UBN2: variants seen among roughly 807,000 people sequenced by gnomAD.
UBN2 encodes ubinuclein 2, also known as ubinuclein-2.
UBN2 carries 35 observed loss-of-function variants against 120.2 expected under a neutral mutation model. The ratio of observed to expected loss-of-function variants is 0.29; its 90% CI spans 0.22 to 0.39. The LOEUF (loss-of-function observed/expected upper bound fraction) is 0.39. UBN2 is among the 10% of genes least tolerant of loss of function. UBN2 has a pLI of 1.00. For synonymous variants in UBN2, 661 were observed against 648.7 expected, an observed-to-expected ratio of 1.02 and a Z score of -0.29; for missense variants, 1,693 against 1,663.2, an observed-to-expected ratio of 1.02 and a Z score of -0.31.
At chr7:139,295,088 C>CTT (rs1175195798) in intron 17 of UBN2, among the ~76,000 whole-genome samples, 26 of 137,552 alleles carry the variant, frequency 1.9e-4, no homozygotes, top group Admixed American at 8.8e-4. Flanking sequence ...CTAGGCCTCA[C>CTT]TTTTTTTTTT....
intron 2 of UBN2, 36 bp downstream of exon 2, chr7:139,237,133 T>A: frequency 6.7e-7 from 1 of 1,492,268 alleles, no homozygotes; most frequent in South Asian, 1.1e-5. Context: ...GGTAATTTTA[T>A]CCTATTGACC....
chr7:139,293,252 A>G lies in UBN2; in HGVS notation c.3690A>G (p.Leu1230=). ...CACAGTCCACAGCAGGAGCATCATT[A>G]TTGGCTAATGCCTCACCTCTGACTC... is the stretch of plus-strand genomic sequence containing the variant. ...ASVQSTAGAS[L]LANASPLTLM... Residue 1230 remains leucine, a synonymous_variant, in exon 16 of 18, where the codon TTA becomes TTG. Coordinates refer to ENST00000473989, the MANE Select transcript of UBN2 (RefSeq NM_173569.4). The G allele has an allele frequency of 6.2e-7, 1 of 1,614,206 alleles. No homozygotes were observed. Among genetic ancestry groups the G allele is most frequent in the Non-Finnish European group, 8.5e-7 (1 of 1,180,022 alleles).
At chr7:139,246,823 T>A (rs891675381) in intron 2 of UBN2, among the ~76,000 whole-genome samples, 1 of 152,218 alleles carries the variant, frequency 6.6e-6, no homozygotes, top group Non-Finnish European at 1.5e-5. Flanking sequence ...TCTCATGTCT[T>A]CTGCGTCTGG....
intron 4 of UBN2, among the ~76,000 whole-genome samples, 157 bp downstream of exon 4, chr7:139,258,782 G>T (rs2130976018): frequency 6.6e-6 from 1 of 151,974 alleles, no homozygotes; most frequent in South Asian, 2.1e-4. Flanking sequence ...AAATTATGTA[G>T]ATATTGGAAA....
intron 16 of UBN2, 199 bp from the exon 17 acceptor site, chr7:139,293,690 T>C: frequency 1.5e-6 from 1 of 646,922 alleles, no homozygotes; most frequent in Non-Finnish European, 2.6e-6. Flanking sequence ...TAATGAAATT[T>C]TTAAGAGGAA....
intron 9 of UBN2, among the ~76,000 whole-genome samples, 156 bp downstream of exon 9, chr7:139,272,596 G>C (rs970222234): frequency 6.6e-6 from 1 of 151,974 alleles, no homozygotes; most frequent in African/African-American, 2.4e-5. Context: ...GTACGATTTC[G>C]GCTCAGTACA....
intron 3 of UBN2, among the ~76,000 whole-genome samples, chr7:139,254,936 C>T (rs1225247698): frequency 8.5e-5 from 13 of 152,194 alleles, no homozygotes; most frequent in Admixed American, 8.5e-4. Context: ...TGAGCCCAGA[C>T]ATTGTGACAC....
At chr7:139,273,235 A>T in intron 9 of UBN2, 62 bp from the exon 10 acceptor site, 7 of 1,059,658 alleles carry the variant, frequency 6.6e-6, no homozygotes, top group Non-Finnish European at 9.7e-6. Context: ...GTATTTATGG[A>T]GCATATTATA....
chr7:139,312,430 C>G (rs933170738), downstream of UBN2, among the ~76,000 whole-genome samples: 2 of 152,150 alleles, frequency 1.3e-5, no homozygotes, highest in Non-Finnish European at 2.9e-5. Flanking sequence ...ATACCTGTTC[C>G]CCTCACAGTG....
chr7:139,327,161 G>C, the UBN2 span, among the ~76,000 whole-genome samples: 1 of 152,150 alleles, frequency 6.6e-6, no homozygotes, highest in Non-Finnish European at 1.5e-5. Flanking sequence ...AGCCTCCTGA[G>C]TAGCTAGGAT....
At chr7:139,274,444 C>T (rs1249202571) in intron 11 of UBN2, among the ~76,000 whole-genome samples, 1 of 152,072 alleles carries the variant, frequency 6.6e-6, no homozygotes, top group Non-Finnish European at 1.5e-5. Flanking sequence ...GGAAAAGAGA[C>T]ACAGCCTTAG....
intron 11 of UBN2, among the ~76,000 whole-genome samples, chr7:139,274,435 GAA>G (rs1200841628): frequency 2.0e-5 from 3 of 152,104 alleles, no homozygotes; most frequent in Non-Finnish European, 4.4e-5. Flanking sequence ...TAGAGCATAG[GAA>G]AAGAGACACA....
chr7:139,277,589 T>C (rs1563219774), intron 12 of UBN2: 1 of 152,098 alleles, frequency 6.6e-6, no homozygotes, highest in African/African-American at 2.4e-5. Flanking sequence ...ATGCATTGAG[T>C]TGGTTGTGGT....
At chr7:139,324,096 T>C in the UBN2 span, among the ~76,000 whole-genome samples, 1 of 152,150 alleles carries the variant, frequency 6.6e-6, no homozygotes, top group Non-Finnish European at 1.5e-5. Flanking sequence ...GTCATAAGCA[T>C]TTAAATACCC....
At chr7:139,277,511 A>G (rs1797480394) in intron 12 of UBN2, 1 of 152,270 alleles carries the variant, frequency 6.6e-6, no homozygotes, top group Non-Finnish European at 1.5e-5. Context: ...AATTATATTT[A>G]CTATTCATTA....
At chr7:139,316,379 T>C in the UBN2 span, among the ~76,000 whole-genome samples, 1 of 152,212 alleles carries the variant, frequency 6.6e-6, no homozygotes, top group African/African-American at 2.4e-5. Context: ...GAACTTTGTA[T>C]GTCTGAAAGT....
At chr7:139,295,834 T>A (rs1014921019) in intron 17 of UBN2, among the ~76,000 whole-genome samples, 2 of 152,114 alleles carry the variant, frequency 1.3e-5, no homozygotes, top group African/African-American at 4.8e-5. Flanking sequence ...GGTGGGAGGA[T>A]CACCTACACC....
At chr7:139,260,212 C>T (rs1796889120) in intron 5 of UBN2, among the ~76,000 whole-genome samples, 1 of 152,126 alleles carries the variant, frequency 6.6e-6, no homozygotes, top group Non-Finnish European at 1.5e-5. Flanking sequence ...GATCCTCCTG[C>T]CTCAGCTACC....
chr7:139,241,683 C>T (rs1796322386), intron 2 of UBN2, among the ~76,000 whole-genome samples: 1 of 151,892 alleles, frequency 6.6e-6, no homozygotes, highest in Non-Finnish European at 1.5e-5. Flanking sequence ...TCTTGAGACC[C>T]TGTCTCTAAT....
Sources: allele counts gnomAD v4.1 joint callset (sites outside exome capture counted in the v4.1 genomes callset), GRCh38; gene constraint gnomAD v4.1.1; transcripts MANE v1.5; gene names NCBI Gene and HGNC (gene_info 2026-07-23, HGNC 2026-07-21).